APBA1: variants seen among roughly 807,000 people sequenced by gnomAD.
The protein encoded by APBA1 is amyloid beta precursor protein binding family A member 1, also known as amyloid-beta A4 precursor protein-binding family A member 1.
APBA1 carries 55 observed loss-of-function variants against 86.6 expected under a neutral mutation model. The ratio of observed to expected loss-of-function variants is 0.64; its 90% CI spans 0.51 to 0.80. The LOEUF is 0.80. Ranked by LOEUF, APBA1 falls within the 30% of genes least tolerant of loss-of-function variation. The pLI, the probability that APBA1 is intolerant of heterozygous loss-of-function variation, is 0.00. For missense variants in APBA1, 1,090 were observed against 1,183.0 expected, an observed-to-expected ratio of 0.92 and a Z score of 1.15; for synonymous variants, 511 against 493.9, an observed-to-expected ratio of 1.03 and a Z score of -0.46.
chr9:69,550,089 C>A (rs796224325), intron 1 of APBA1, among the ~76,000 whole-genome samples: 15 of 152,320 alleles, frequency 9.8e-5, no homozygotes, highest in African/African-American at 3.6e-4. Flanking sequence ...GAGATATGTA[C>A]AGTGTTTTCT....
intron 4 of APBA1, among the ~76,000 whole-genome samples, chr9:69,468,316 CTT>C (rs1384341257): frequency 1.3e-5 from 2 of 152,220 alleles, no homozygotes; most frequent in African/African-American, 4.8e-5. Context: ...CTCTGACTCT[CTT>C]GTCTTACTGT....
At chr9:69,449,879 T>G (rs1190742350) in intron 9 of APBA1, 83 bp from the exon 10 acceptor site, 2 of 1,287,142 alleles carry the variant, frequency 1.6e-6, no homozygotes, top group African/African-American at 3.0e-5. Flanking sequence ...CCCATTCCTG[T>G]CTTGCCTAAA....
At chr9:69,440,371 G>A (rs1034792540) in intron 11 of APBA1, among the ~76,000 whole-genome samples, 11 of 151,966 alleles carry the variant, frequency 7.2e-5, no homozygotes, top group Non-Finnish European at 1.5e-4. Flanking sequence ...TCTGTGCCCT[G>A]CCCCCAGAGG....
At chr9:69,646,166 C>T (rs1422216957) in intron 1 of APBA1, among the ~76,000 whole-genome samples, 1 of 152,034 alleles carries the variant, frequency 6.6e-6, no homozygotes, top group Non-Finnish European at 1.5e-5. Context: ...TTTATAGAGG[C>T]AGGCTACAAA....
intron 1 of APBA1, among the ~76,000 whole-genome samples, chr9:69,628,406 A>T (rs1822974132): frequency 6.6e-6 from 1 of 152,194 alleles, no homozygotes; most frequent in Non-Finnish European, 1.5e-5. Context: ...CAGAAATAGA[A>T]GACTAATACA....
At position 69,449,523 on chromosome 9, in the gene APBA1, G is replaced by A. The variant is rs1307791584; in HGVS notation, c.2181+61C>T. ...TCATATACATTAATGACTGGATGGGGGTCACACTTCACATCACTTGAGGTT... is the reference window on the plus strand; with the variant it reads ...TCATATACATTAATGACTGGATGGGAGTCACACTTCACATCACTTGAGGTT... On this transcript the variant is annotated intron_variant, in intron 10 of 12. Coordinates refer to ENST00000265381, the MANE Select transcript of APBA1 (RefSeq NM_001163.4). 4.9e-6 allele frequency: 7 copies of A among 1,425,382 alleles called. No homozygotes were observed. The Admixed American group carries it at 6.8e-5, about 14-fold the overall frequency. 88.3% of individuals were successfully genotyped at this position (1,425,382 alleles called of 1,614,324 possible).
intron 1 of APBA1, among the ~76,000 whole-genome samples, chr9:69,667,504 A>G (rs1823864554): frequency 6.6e-6 from 1 of 151,248 alleles, no homozygotes; most frequent in African/African-American, 2.4e-5. Flanking sequence ...GACTGTGGCC[A>G]AATTCCTTTC....
chr9:69,622,375 T>C (rs1822837637), intron 1 of APBA1, among the ~76,000 whole-genome samples: 1 of 152,202 alleles, frequency 6.6e-6, no homozygotes, highest in Non-Finnish European at 1.5e-5. Flanking sequence ...TATGAGCATG[T>C]CTGTGTCTAG....
intron 1 of APBA1, among the ~76,000 whole-genome samples, chr9:69,663,437 T>C (rs1823789061): frequency 4.6e-5 from 7 of 152,248 alleles, no homozygotes; most frequent in Admixed American, 3.3e-4. Flanking sequence ...GGGGTAATTA[T>C]TCTTGTTAAG....
chr9:69,488,942 C>T (rs1027660237), intron 2 of APBA1, among the ~76,000 whole-genome samples: 1 of 152,016 alleles, frequency 6.6e-6, no homozygotes, highest in Non-Finnish European at 1.5e-5. Context: ...AAGACCTCTT[C>T]AAGGAGAACT....
At chr9:69,453,663 T>C (rs1358109802) in intron 8 of APBA1, among the ~76,000 whole-genome samples, 1 of 152,238 alleles carries the variant, frequency 6.6e-6, no homozygotes, top group African/African-American at 2.4e-5. Context: ...ATTCAAAACT[T>C]TTCCAATTTT....
At position 69,428,834 on chromosome 9, in the gene APBA1, C is replaced by T. The variant is rs544290516; in HGVS notation, c.*2493G>A. 9.2e-5 allele frequency: 14 copies of T among 152,158 alleles called. No homozygotes were observed. The highest frequency in any genetic ancestry group is 2.0e-4 in the Admixed American group (3 of 15,282). 9.4% of individuals were successfully genotyped at this position (152,158 alleles called of 1,614,324 possible). ...CAGCTGGGTGGACCTGTACCGAGCT[C>T]CAGCAACTTCCACTCACTGGGTGTG... is the stretch of plus-strand genomic sequence containing the variant. On this transcript the variant is annotated 3_prime_UTR_variant, in exon 13 of 13. Transcript: ENST00000265381.
chr9:69,630,251 A>C (rs1262587996), intron 1 of APBA1, among the ~76,000 whole-genome samples: 1 of 152,084 alleles, frequency 6.6e-6, no homozygotes, highest in Non-Finnish European at 1.5e-5. Flanking sequence ...AACAGAAAGA[A>C]GAATGACTGG....
rs1025696379 is a variant in APBA1 at position 69,575,929 on chromosome 9, A to T, written c.-69-58650T>A. On this transcript the variant is annotated intron_variant, in intron 1 of 12. Transcript: ENST00000265381. ...ATCAGAGTGAACAGGCAACCTACAGAATAAGAGAAAATTTTTGCAAGCTAC... is the reference window on the plus strand; with the variant it reads ...ATCAGAGTGAACAGGCAACCTACAGTATAAGAGAAAATTTTTGCAAGCTAC... Among the ~76,000 whole-genome samples the T allele has an allele frequency of 2.0e-5, 3 of 152,316 alleles. No homozygotes were observed. The South Asian group carries it at 6.2e-4, about 32-fold the overall frequency.
rs184973326 is a variant in APBA1 at position 69,565,989 on chromosome 9, C to T, written c.-69-48710G>A. ...TGCCTGCTCAGGCCCCACCGACCAA[C>T]CCAGTTTCATCTCTTACCACGTTCC... On this transcript the variant is annotated intron_variant, in intron 1 of 12. Coordinates refer to ENST00000265381, the MANE Select transcript of APBA1 (RefSeq NM_001163.4). Among the ~76,000 whole-genome samples the T allele has an allele frequency of 2.0e-3, 304 of 152,320 alleles. 3 individuals carry two copies. Among genetic ancestry groups the T allele is most frequent in the Admixed American group, 2.3e-3 (35 of 15,300 alleles).
At chr9:69,490,807 C>G (rs932577077) in intron 2 of APBA1, among the ~76,000 whole-genome samples, 1 of 152,068 alleles carries the variant, frequency 6.6e-6, no homozygotes, top group Non-Finnish European at 1.5e-5. Flanking sequence ...TATGAACAGA[C>G]ACATCTCAAA....
chr9:69,456,959 C>T, intron 7 of APBA1, 94 bp downstream of exon 7: 1 of 1,061,394 alleles, frequency 9.4e-7, no homozygotes, highest in Non-Finnish European at 1.4e-6. Flanking sequence ...GGGACAGCTG[C>T]TCTACAGACA....
intron 1 of APBA1, among the ~76,000 whole-genome samples, chr9:69,628,158 T>G (rs1822970299): frequency 6.6e-6 from 1 of 152,158 alleles, no homozygotes; most frequent in African/African-American, 2.4e-5. Context: ...GACTCCTGTC[T>G]ACAGTTAGCA....
chr9:69,602,104 T>A (rs1033623989), intron 1 of APBA1, among the ~76,000 whole-genome samples: 6 of 152,262 alleles, frequency 3.9e-5, no homozygotes, highest in Non-Finnish European at 5.9e-5. Flanking sequence ...AATTTATTAA[T>A]CCCTTCTTTT....
Sources: gnomAD v4.1 joint callset for allele counts (sites outside exome capture counted in the v4.1 genomes callset) on GRCh38, gnomAD v4.1.1 for gene constraint, MANE v1.5 for transcripts, NCBI Gene and HGNC (gene_info 2026-07-23, HGNC 2026-07-21) for gene names.